L1TD1: variants seen among roughly 807,000 people sequenced by gnomAD.
L1TD1 encodes LINE-1 type transposase domain-containing protein 1.
A neutral mutation model predicts 25.7 loss-of-function variants in L1TD1; 26 were observed. The ratio of observed to expected loss-of-function variants is 1.01; its 90% CI spans 0.74 to 1.40. The LOEUF (loss-of-function observed/expected upper bound fraction) is 1.40. L1TD1 is among the 40% of genes most tolerant of loss of function. The pLI is 0.00. For missense variants in L1TD1, 1,130 were observed against 975.0 expected (o/e 1.16, Z -2.12); for synonymous variants, 421 against 335.6 (o/e 1.25, Z -2.78).
At chr1:62,200,323 A>G (rs1394129686) in intron 2 of L1TD1, among the ~76,000 whole-genome samples, 2 of 152,180 alleles carry the variant, frequency 1.3e-5, no homozygotes, top group East Asian at 3.9e-4. Flanking sequence ...GGAGCCCGCC[A>G]CCACGCCTGG....
chr1:62,198,447 A>T lies in L1TD1; in HGVS notation c.-111+1919A>T, dbSNP rs1279543510. On this transcript the variant is annotated intron_variant, in intron 2 of 3. Transcript: ENST00000498273. ...GAGGGACTAGTAATTGTTCTTATTTAAAAAAAAAAAAAAGAAGAAAAGAGA... is the reference window on the plus strand; with the variant it reads ...GAGGGACTAGTAATTGTTCTTATTTTAAAAAAAAAAAAAGAAGAAAAGAGA... Among the ~76,000 whole-genome samples the T allele has an allele frequency of 4.4e-4, 38 of 85,566 alleles. No individual in the cohort carries two copies. In the South Asian group the frequency reaches 7.1e-3, roughly 16 times the overall value. The allele number at this position is 85,566 out of a possible 152,430, so 56.1% of individuals were successfully genotyped here. A position where few individuals can be genotyped will look rare whatever the true frequency, so the allele number is the denominator to read the frequency against.
chr1:62,208,828 G>A (rs1206650515), intron 3 of L1TD1, among the ~76,000 whole-genome samples: 4 of 152,150 alleles, frequency 2.6e-5, no homozygotes, highest in Non-Finnish European at 4.4e-5. Context: ...TCAAATGAAC[G>A]CTTCTCCTCT....
rs1251875688 is a variant in L1TD1, at chr1:62,211,153, A to G, written c.2379A>G (p.Thr793=). Reference sequence around the variant, plus strand: ...ACCAAGGAACAAGAATCAGGTTGACAGCAGACTTATCACTGGACACACTGG... The same window carrying G: ...ACCAAGGAACAAGAATCAGGTTGACGGCAGACTTATCACTGGACACACTGG... ...ITYQGTRIRL[T]ADLSLDTLDA... The change falls in exon 4 of 4, where the codon ACA becomes ACG. Residue 793 remains threonine, a synonymous_variant. Transcript: ENST00000498273. The G allele has an allele frequency of 1.9e-6, 3 of 1,550,470 alleles. No homozygotes were observed. The highest frequency in any genetic ancestry group is 2.7e-5 in the African/African-American group (2 of 72,922).
chr1:62,198,683 T>A lies in L1TD1; in HGVS notation c.-111+2155T>A, dbSNP rs184675836. ...TTCCATCCCTAAAATTAAAGGAAGT[T>A]TATCCGCCCTCCCAACCCCCAGTCC... On this transcript the variant is annotated intron_variant, in intron 2 of 3. Transcript: ENST00000498273. Among the ~76,000 whole-genome samples, 618 of 152,198 alleles carry A rather than the reference T, an allele frequency of 4.1e-3. 2 individuals are homozygous for A. The highest frequency in any genetic ancestry group is 5.7e-3 in the Non-Finnish European group (391 of 68,024).
chr1:62,195,134 C>A lies in L1TD1; in HGVS notation c.-205+213C>A, dbSNP rs547645686. Among the ~76,000 whole-genome samples, 80 of 151,718 alleles carry A rather than the reference C, an allele frequency of 5.3e-4. 1 individual carries two copies. The highest frequency in any genetic ancestry group is 6.6e-4 in the Admixed American group (10 of 15,252). ...CGCAGCGCCCCAAGTAAGGCTGGTC[C>A]AGGAGCGTGAGGTCCAGGGTGCCCC... On this transcript the variant is annotated intron_variant, in intron 1 of 3. Transcript: ENST00000498273.
chr1:62,196,868 A>C (rs550277719), intron 2 of L1TD1, among the ~76,000 whole-genome samples: 2 of 152,052 alleles, frequency 1.3e-5, no homozygotes, highest in East Asian at 3.9e-4. Context: ...ATGGGATTAC[A>C]GGCGTGAGTC....
In L1TD1 at chr1:62,195,236, C is replaced by T. The variant is rs1231001212; in HGVS notation, c.-205+315C>T. Among the ~76,000 whole-genome samples the T allele has an allele frequency of 3.9e-5, 6 of 152,076 alleles. No individual in the cohort carries two copies. The South Asian group carries it at 1.0e-3, about 26-fold the overall frequency. ...GCCCAGGTACGTGAGGCCCGAGGTG[C>T]CCCAGGCAAGGCTGATCCGGGTGCG... On this transcript the variant is annotated intron_variant, in intron 1 of 3. Coordinates refer to ENST00000498273, the MANE Select transcript of L1TD1 (RefSeq NM_019079.5).
chr1:62,209,584 ATCTTG>A (rs1389816548), intron 3 of L1TD1, among the ~76,000 whole-genome samples, 194 bp from the exon 4 acceptor site: 1 of 152,284 alleles, frequency 6.6e-6, no homozygotes, highest in East Asian at 1.9e-4. Flanking sequence ...AATGACAAAT[ATCTTG>A]AGATGATCAT....
In L1TD1 at chr1:62,206,979, G is replaced by A. The variant is rs1392135786; in HGVS notation, c.351G>A (p.Gly117=). 3 of 1,613,008 alleles carry A rather than the reference G, an allele frequency of 1.9e-6. No homozygotes were observed. Among genetic ancestry groups the A allele is most frequent in the Non-Finnish European group, 2.5e-6 (3 of 1,179,790 alleles). ...NLALQKTGMV[G]KIEGENSKIG... ...CATTACAAAAAACAGGGATGGTAGG[G>A]AAAATAGAAGGAGAAAACTCTAAAA... The change falls in exon 3 of 4, where the codon GGG becomes GGA. Residue 117 remains glycine, a synonymous_variant. Transcript: ENST00000498273.
In L1TD1 at chr1:62,206,607, C is replaced by T; in HGVS notation, c.-22C>T. On this transcript the variant is annotated 5_prime_UTR_variant, in exon 3 of 4. Transcript: ENST00000498273. ...TTCTGTAGGAATTAAAAACAGAATC[C>T]AGTCTTGACAACATATCCACAATGT... 2.1e-6 allele frequency: 3 copies of T among 1,433,490 alleles called. No homozygotes were observed. Among genetic ancestry groups the T allele is most frequent in the East Asian group, 5.1e-5 (2 of 39,246 alleles). 88.8% of individuals were successfully genotyped at this position (1,433,490 alleles called of 1,614,324 possible).
chr1:62,198,791 A>G (rs542890929), intron 2 of L1TD1, among the ~76,000 whole-genome samples: 4 of 152,114 alleles, frequency 2.6e-5, no homozygotes, highest in African/African-American at 9.6e-5. Flanking sequence ...CCTCCTTAAA[A>G]TACAAAGCAG....
At chr1:62,199,516 A>G (rs1670603768) in intron 2 of L1TD1, among the ~76,000 whole-genome samples, 2 of 150,420 alleles carry the variant, frequency 1.3e-5, no homozygotes, top group Non-Finnish European at 2.9e-5. Context: ...AAAAAAAATC[A>G]GCATTTGATA....
chr1:62,200,328 G>A (rs530840571), intron 2 of L1TD1, among the ~76,000 whole-genome samples: 1 of 152,098 alleles, frequency 6.6e-6, no homozygotes, highest in Non-Finnish European at 1.5e-5. Context: ...CCGCCACCAC[G>A]CCTGGCTAAT....
Position 62,207,313 on chromosome 1 carries a change from G to C in L1TD1, c.685G>C (p.Ala229Pro), listed in dbSNP as rs951889915. Residue 229 changes from alanine to proline, a missense_variant, in exon 3 of 4, where the codon GCC (alanine) becomes CCC (proline). Physicochemically the swap from Ala to Pro is conservative, Grantham distance 27. Transcript: ENST00000498273. ...KLKNKEEVLK[A>P]SREEKVLMDE... is the part of the protein sequence containing the mutation. ...GAAGAATAAAGAGGAGGTTTTAAAA[G>C]CCTCCAGAGAAGAAAAAGTGTTGAT... 4 of 1,550,840 alleles carry C rather than the reference G, an allele frequency of 2.6e-6. No homozygotes were observed. The highest frequency in any genetic ancestry group is 3.5e-6 in the Non-Finnish European group (4 of 1,146,762).
chr1:62,210,291 A>G lies in L1TD1; in HGVS notation c.1517A>G (p.Gln506Arg), dbSNP rs1366393767. ...SLTEKKASRR[Q>R]KEIPFSYLVG... Reference sequence around the variant, plus strand: ...ACTGAGAAAAAAGCCTCACGTAGACAAAAAGAAATTCCCTTTAGTTATTTG... The same window carrying G: ...ACTGAGAAAAAAGCCTCACGTAGACGAAAAGAAATTCCCTTTAGTTATTTG... Residue 506 changes from glutamine (Q) to arginine (R), a missense_variant, in exon 4 of 4, where the codon CAA becomes CGA. Physicochemically the swap from Gln to Arg is conservative, Grantham distance 43 (BLOSUM62 1). Coordinates refer to ENST00000498273, the MANE Select transcript of L1TD1 (RefSeq NM_019079.5). 1 of 1,614,174 alleles carries G rather than the reference A, an allele frequency of 6.2e-7. No individual in the cohort carries two copies. Among genetic ancestry groups the G allele is most frequent in the South Asian group, 1.1e-5 (1 of 91,066 alleles).
rs1407219766 is a variant in L1TD1 at position 62,211,400 on chromosome 1, C to T, written c.*28C>T. 7.8e-6 allele frequency: 12 copies of T among 1,538,610 alleles called. No individual in the cohort carries two copies. The highest frequency in any genetic ancestry group is 2.3e-5 in the East Asian group (1 of 44,302). On this transcript the variant is annotated 3_prime_UTR_variant, in exon 4 of 4. Coordinates refer to ENST00000498273, the MANE Select transcript of L1TD1 (RefSeq NM_019079.5). ...CGCCAGGGTGACTACAAACAATATG[C>T]TTTCCTCCCCCAGCATGCATCCAAA...
At chr1:62,205,389 T>TTCTCTC (rs1194912722) in intron 2 of L1TD1, among the ~76,000 whole-genome samples, 9 of 60,298 alleles carry the variant, frequency 1.5e-4, no homozygotes, top group Non-Finnish European at 2.4e-4. Context: ...CTCTCTCTCT[T>TTCTCTC]TCTCTCTCTC....
chr1:62,202,173 G>A (rs563338475), intron 2 of L1TD1, among the ~76,000 whole-genome samples: 169 of 152,206 alleles, frequency 1.1e-3, no homozygotes, highest in African/African-American at 3.9e-3. Context: ...GGTGGCACAT[G>A]CCTGTAATCC....
intron 2 of L1TD1, among the ~76,000 whole-genome samples, chr1:62,203,077 C>T (rs1021450922): frequency 3.9e-5 from 6 of 152,134 alleles, no homozygotes; most frequent in South Asian, 2.1e-4. Flanking sequence ...TCACTCACCT[C>T]GGCCACCGAA....
Sources: allele counts gnomAD v4.1 joint callset (sites outside exome capture counted in the v4.1 genomes callset), GRCh38; gene constraint gnomAD v4.1.1; transcripts MANE v1.5; gene names NCBI Gene and HGNC (gene_info 2026-07-23, HGNC 2026-07-21).